Variants in B3GALT1 observed in about 807,000 individuals in gnomAD.
The protein encoded by B3GALT1 is beta-1,3-galactosyltransferase 1.
B3GALT1 carries 10 observed loss-of-function variants against 23.2 expected under a neutral mutation model. The ratio of observed to expected loss-of-function variants is 0.43; its 90% CI spans 0.27 to 0.73. The LOEUF (loss-of-function observed/expected upper bound fraction) is 0.73, where lower values mean the gene tolerates loss of function less well. B3GALT1 is among the 30% of genes least tolerant of loss of function. The probability of loss-of-function intolerance (pLI) is 0.21; values close to 1 mark genes in which losing one functional copy is unlikely to be tolerated. For missense variants in B3GALT1, 299 were observed against 405.4 expected, an observed-to-expected ratio of 0.74 and a Z score of 2.25; for synonymous variants, 156 against 141.5, an observed-to-expected ratio of 1.10 and a Z score of -0.73.
intron 1 of B3GALT1, among the ~76,000 whole-genome samples, chr2:167,331,715 G>C (rs1323455494): frequency 6.6e-6 from 1 of 152,126 alleles, no homozygotes; most frequent in Non-Finnish European, 1.5e-5. Flanking sequence ...GGGCCCCCTG[G>C]TGGTACCTAA....
chr2:167,454,770 A>G (rs1196727383), intron 1 of B3GALT1, among the ~76,000 whole-genome samples: 1 of 152,202 alleles, frequency 6.6e-6, no homozygotes, highest in African/African-American at 2.4e-5. Context: ...GGCAGTTTTT[A>G]CTGTAATACC....
At chr2:167,363,194 A>T (rs1199803575) in intron 1 of B3GALT1, among the ~76,000 whole-genome samples, 3 of 151,162 alleles carry the variant, frequency 2.0e-5, no homozygotes, top group East Asian at 1.9e-4. Flanking sequence ...GCCAACTTTA[A>T]CTGTGCCACC....
intron 3 of B3GALT1, among the ~76,000 whole-genome samples, chr2:167,740,041 G>T (rs1401498395): frequency 6.6e-6 from 1 of 151,538 alleles, no homozygotes; most frequent in East Asian, 1.9e-4. Flanking sequence ...CAAGGCTGCA[G>T]TGAGCCATGA....
chr2:167,306,355 TTAAA>T (rs1479793079), intron 1 of B3GALT1, among the ~76,000 whole-genome samples: 1 of 151,982 alleles, frequency 6.6e-6, no homozygotes, highest in Non-Finnish European at 1.5e-5. Context: ...AAGTCCTACT[TTAAA>T]TAGGCAAAAT....
chr2:167,852,652 A>T (rs1689925278), intron 4 of B3GALT1, among the ~76,000 whole-genome samples: 1 of 152,216 alleles, frequency 6.6e-6, no homozygotes, highest in African/African-American at 2.4e-5. Context: ...TGAATGGCAC[A>T]GTGAAAAGGG....
At chr2:167,685,970 T>C (rs1456734952) in intron 3 of B3GALT1, among the ~76,000 whole-genome samples, 1 of 152,202 alleles carries the variant, frequency 6.6e-6, no homozygotes, top group Non-Finnish European at 1.5e-5. Flanking sequence ...TTATTATTGG[T>C]TTGCTTTACT....
At position 167,857,270 on chromosome 2, in the gene B3GALT1, A is replaced by G. The variant is rs142189053; in HGVS notation, c.-229-11541A>G. ...GAGCATAGAGAAGTGATAAAGGAAC[A>G]GGAGTTCCTTTGCTTTGAAAAGCAA... On this transcript the variant is annotated intron_variant, in intron 4 of 4. Coordinates refer to ENST00000392690, the MANE Select transcript of B3GALT1 (RefSeq NM_020981.4). Among the ~76,000 whole-genome samples, 31 of 152,126 alleles carry G rather than the reference A, an allele frequency of 2.0e-4. No homozygotes were observed. In the East Asian group the frequency reaches 5.8e-3, roughly 29 times the overall value.
intron 3 of B3GALT1, among the ~76,000 whole-genome samples, chr2:167,782,316 A>G (rs1484099513): frequency 2.0e-5 from 3 of 152,142 alleles, no homozygotes; most frequent in African/African-American, 4.8e-5. Flanking sequence ...ACATCCCTGC[A>G]TGGGTCTGGG....
chr2:167,357,362 A>G (rs990027491), intron 1 of B3GALT1, among the ~76,000 whole-genome samples: 1 of 152,058 alleles, frequency 6.6e-6, no homozygotes, highest in African/African-American at 2.4e-5. Flanking sequence ...ACAAATATTT[A>G]ATTAATTTTA....
At chr2:167,803,081 A>C (rs866587056) in intron 3 of B3GALT1, among the ~76,000 whole-genome samples, 10 of 141,470 alleles carry the variant, frequency 7.1e-5, no homozygotes, top group African/African-American at 1.3e-4. Context: ...GACCCTAACA[A>C]ACACACACAC....
chr2:167,341,668 A>C (rs979317499), intron 1 of B3GALT1, among the ~76,000 whole-genome samples: 3 of 151,212 alleles, frequency 2.0e-5, no homozygotes, highest in Non-Finnish European at 4.4e-5. Flanking sequence ...TCTCAAAAAC[A>C]AAAAAAAAGA....
chr2:167,647,634 C>G (rs1194620000), intron 3 of B3GALT1, among the ~76,000 whole-genome samples: 2 of 152,090 alleles, frequency 1.3e-5, no homozygotes, highest in African/African-American at 4.8e-5. Context: ...TGAATGTCTT[C>G]CCTAAAGGAA....
At chr2:167,313,180 C>G (rs1200519218) in intron 1 of B3GALT1, among the ~76,000 whole-genome samples, 1 of 152,080 alleles carries the variant, frequency 6.6e-6, no homozygotes, top group Admixed American at 6.6e-5. Flanking sequence ...AGCCAGAGTA[C>G]CACCACTTTT....
At chr2:167,741,632 G>T (rs1447622980) in intron 3 of B3GALT1, among the ~76,000 whole-genome samples, 1 of 152,078 alleles carries the variant, frequency 6.6e-6, no homozygotes, top group East Asian at 1.9e-4. Context: ...TGCCAGGGTG[G>T]ACCATGCCAC....
At chr2:167,709,957 A>G (rs1213859569) in intron 3 of B3GALT1, among the ~76,000 whole-genome samples, 2 of 152,178 alleles carry the variant, frequency 1.3e-5, no homozygotes, top group East Asian at 3.9e-4. Flanking sequence ...CAATAATAGC[A>G]AATATATGTT....
chr2:167,297,145 A>G (rs929211458), intron 1 of B3GALT1, among the ~76,000 whole-genome samples: 1 of 152,144 alleles, frequency 6.6e-6, no homozygotes, highest in African/African-American at 2.4e-5. Flanking sequence ...TATCTTTAAA[A>G]TCAAATTATA....
At chr2:167,486,654 G>A (rs922374817) in intron 1 of B3GALT1, among the ~76,000 whole-genome samples, 7 of 151,906 alleles carry the variant, frequency 4.6e-5, no homozygotes, top group African/African-American at 1.7e-4. Flanking sequence ...GGAGGCGAAG[G>A]TTGCAGTGAG....
At chr2:167,563,483 G>T (rs1181216453) in intron 2 of B3GALT1, among the ~76,000 whole-genome samples, 3 of 100,406 alleles carry the variant, frequency 3.0e-5, no homozygotes, top group Non-Finnish European at 3.9e-5. Context: ...CAGTAGGGGC[G>T]GCCGGGCAGA....
At chr2:167,755,909 A>C (rs1451791897) in intron 3 of B3GALT1, among the ~76,000 whole-genome samples, 1 of 152,074 alleles carries the variant, frequency 6.6e-6, no homozygotes, top group Non-Finnish European at 1.5e-5. Context: ...CAGGAGTTTG[A>C]GATTGCAAGG....
Sources: gnomAD v4.1 joint callset for allele counts (sites outside exome capture counted in the v4.1 genomes callset) on GRCh38, gnomAD v4.1.1 for gene constraint, MANE v1.5 for transcripts, NCBI Gene and HGNC (gene_info 2026-07-23, HGNC 2026-07-21) for gene names.